Variants in NADSYN1 observed in about 807,000 individuals in gnomAD.
NADSYN1 encodes NAD synthetase 1.
In NADSYN1, 80 loss-of-function variants were observed where a neutral mutation model predicts 99.3. The observed-to-expected ratio is 0.81, with a 90% CI of 0.67 to 0.97. The LOEUF (loss-of-function observed/expected upper bound fraction) is 0.97. Ranked by LOEUF, NADSYN1 falls within the 50% of genes least tolerant of loss-of-function variation. The pLI is 0.00. For missense variants in NADSYN1, 859 were observed against 948.5 expected (o/e 0.91, Z 1.24); for synonymous variants, 385 against 372.1 (o/e 1.03, Z -0.40).
Position 71,501,219 on chromosome 11 carries a change from C to T in NADSYN1, c.2071-83C>T, listed in dbSNP as rs12295554. Reference sequence around the variant, plus strand: ...ACTTTTTCACCTCTGGGACTTGTGACCCGCTTTTGGTGCGTGCCAGTGTTT... The same window carrying T: ...ACTTTTTCACCTCTGGGACTTGTGATCCGCTTTTGGTGCGTGCCAGTGTTT... On this transcript the variant is annotated intron_variant, in intron 20 of 20. Transcript: ENST00000319023. 7.1e-3 allele frequency: 9,270 copies of T among 1,299,330 alleles called. 568 individuals are homozygous for T. The African/African-American group carries it at 0.13, about 18-fold the overall frequency. The allele number at this position is 1,299,330 out of a possible 1,614,324, so 80.5% of individuals were successfully genotyped here. A position where few individuals can be genotyped will look rare whatever the true frequency, so the allele number is the denominator to read the frequency against.
chr11:71,489,186 C>T (rs897906351), intron 16 of NADSYN1, among the ~76,000 whole-genome samples: 1 of 151,872 alleles, frequency 6.6e-6, no homozygotes, highest in Non-Finnish European at 1.5e-5. Context: ...TGGAAGTGAC[C>T]AGCCTGGGGG....
At chr11:71,454,581 C>T (rs1277908927) in intron 1 of NADSYN1, among the ~76,000 whole-genome samples, 1 of 97,338 alleles carries the variant, frequency 1.0e-5, no homozygotes, top group African/African-American at 2.9e-5. Context: ...TCTAGTTGAA[C>T]TGAAGAAGGC....
chr11:71,453,406 C>T (rs778660706), intron 1 of NADSYN1, 25 bp downstream of exon 1: 7 of 1,600,876 alleles, frequency 4.4e-6, no homozygotes, highest in Non-Finnish European at 6.0e-6. Context: ...GCGGGGGCAC[C>T]GGTTTGGGGT....
chr11:71,489,828 C>A (rs1446702069), intron 16 of NADSYN1, among the ~76,000 whole-genome samples: 1 of 152,154 alleles, frequency 6.6e-6, no homozygotes, highest in Non-Finnish European at 1.5e-5. Context: ...AGGCAGGGGC[C>A]AGCCTGGAAG....
intron 1 of NADSYN1, among the ~76,000 whole-genome samples, chr11:71,453,640 C>T (rs1949495055): frequency 1.3e-5 from 2 of 152,258 alleles, no homozygotes; most frequent in East Asian, 1.9e-4. Context: ...AGGCGGGAGG[C>T]CTGGGGATGG....
At chr11:71,478,742 G>T (rs1949686054) in intron 10 of NADSYN1, 1 of 411,588 alleles carries the variant, frequency 2.4e-6, no homozygotes, top group Non-Finnish European at 4.6e-6. Flanking sequence ...GCGTGCTAGG[G>T]GCTGCCACAC....
intron 14 of NADSYN1, 111 bp from the exon 15 acceptor site, chr11:71,484,201 T>C: frequency 4.1e-6 from 6 of 1,463,580 alleles, no homozygotes; most frequent in South Asian, 3.9e-5. Flanking sequence ...ATCATACGCT[T>C]TAAATGGGTT....
At chr11:71,486,796 CTTTTTTTTTTTT>C (rs57662255) in intron 16 of NADSYN1, among the ~76,000 whole-genome samples, 68 of 61,002 alleles carry the variant, frequency 1.1e-3, no homozygotes, top group African/African-American at 5.0e-3. Context: ...GCGTGAGTGT[CTTTTTTTTTTTT>C]TTTTTTTTTT....
In NADSYN1 at chr11:71,474,453, A is replaced by G. The variant is rs761214817; in HGVS notation, c.725A>G (p.Tyr242Cys). 2.5e-6 allele frequency: 4 copies of G among 1,614,104 alleles called. No individual in the cohort carries two copies. Among genetic ancestry groups the G allele is most frequent in the Admixed American group, 1.7e-5 (1 of 60,016 alleles). ...QKGCDGDRLY[Y>C]DGCAMIAMNG... ...GGTTGTGACGGGGACCGCCTGTACT[A>G]CGACGGCTGTGCCATGATTGCCATG... Residue 242 changes from tyrosine to cysteine, a missense_variant, in exon 9 of 21, where the codon TAC (tyrosine) becomes TGC (cysteine). Physicochemically the swap from Tyr to Cys is radical, Grantham distance 194. Coordinates refer to ENST00000319023, the MANE Select transcript of NADSYN1 (RefSeq NM_018161.5).
At chr11:71,455,034 A>C in intron 1 of NADSYN1, 76 bp from the exon 2 acceptor site, 1 of 1,079,954 alleles carries the variant, frequency 9.3e-7, no homozygotes, top group Non-Finnish European at 1.4e-6. Context: ...TACCTACTGC[A>C]GCAGGTTGTT....
chr11:71,483,990 A>G (rs181435214), intron 14 of NADSYN1, among the ~76,000 whole-genome samples: 27 of 152,260 alleles, frequency 1.8e-4, no homozygotes, highest in African/African-American at 6.0e-4. Flanking sequence ...TTTCCACGCA[A>G]TGTCCAGAAC....
rs150462790 is a variant in NADSYN1 at position 71,477,586 on chromosome 11, GAT to G, written c.799-806_799-805del. 5.0e-3 allele frequency: 2,845 copies of G among 567,540 alleles called. 75 individuals are homozygous for G. The African/African-American group carries it at 0.052, about 10-fold the overall frequency. The allele number at this position is 567,540 out of a possible 1,614,324, so 35.2% of individuals were successfully genotyped here. A position where few individuals can be genotyped will look rare whatever the true frequency, so the allele number is the denominator to read the frequency against. On this transcript the variant is annotated intron_variant, in intron 9 of 20. Transcript: ENST00000319023. ...ACACTCAGGAACACAATTTGATAAA[GAT>G]ATTTTTTCATGAAGGAATAACCCCT...
intron 10 of NADSYN1, chr11:71,478,766 G>A (rs1357323406): frequency 8.4e-6 from 3 of 358,690 alleles, no homozygotes; most frequent in Middle Eastern, 8.6e-4. Context: ...GAAGACCCAA[G>A]CAGCCTTGGA....
chr11:71,465,680 GCCCCGGTTGAGAAATTCTACTCTC>G (rs1306885811), intron 5 of NADSYN1, among the ~76,000 whole-genome samples: 1 of 152,144 alleles, frequency 6.6e-6, no homozygotes, highest in Admixed American at 6.5e-5. Context: ...GGGGTAAAAT[GCCCCGGTTGAGAAATTCTACTCTC>G]CATTTTTATT....
In NADSYN1 at chr11:71,458,770, A is replaced by G. The variant is rs1408059851; in HGVS notation, c.263+226A>G. ...GAAAGCAGGATGTGTCAGTTCTTCC[A>G]GAAAGTCCTGTGCACACATCAGCAG... On this transcript the variant is annotated intron_variant, in intron 3 of 20. Coordinates refer to ENST00000319023, the MANE Select transcript of NADSYN1 (RefSeq NM_018161.5). 9 of 517,450 alleles carry G rather than the reference A, an allele frequency of 1.7e-5. No homozygotes were observed. In the East Asian group the frequency reaches 2.0e-4, roughly 11 times the overall value. The allele number at this position is 517,450 out of a possible 1,614,324, so 32.1% of individuals were successfully genotyped here. A position where few individuals can be genotyped will look rare whatever the true frequency, so the allele number is the denominator to read the frequency against.
At chr11:71,478,336 A>G (rs891621017) in intron 9 of NADSYN1, 59 bp from the exon 10 acceptor site, 9 of 1,415,308 alleles carry the variant, frequency 6.4e-6, no homozygotes, top group Non-Finnish European at 6.9e-6. Flanking sequence ...TGGCCAAATT[A>G]CACGTGGGAG....
At chr11:71,455,197 G>A in intron 2 of NADSYN1, 27 bp downstream of exon 2, 6 of 1,596,120 alleles carry the variant, frequency 3.8e-6, no homozygotes, top group Non-Finnish European at 5.2e-6. Flanking sequence ...ACACCCTGGG[G>A]TCGTCAGCTA....
At chr11:71,462,551 C>T (rs886251100) in intron 3 of NADSYN1, among the ~76,000 whole-genome samples, 10 of 152,094 alleles carry the variant, frequency 6.6e-5, no homozygotes, top group East Asian at 1.9e-4. Flanking sequence ...ACCGCAGGCA[C>T]GTGTAGTTAG....
rs1329491809 is a variant in NADSYN1 at position 71,453,358 on chromosome 11, G to A, written c.62G>A (p.Gly21Asp). 6.2e-7 allele frequency: 1 copy of A among 1,613,806 alleles called. No homozygotes were observed. Among genetic ancestry groups the A allele is most frequent in the Non-Finnish European group, 8.5e-7 (1 of 1,179,798 alleles). The change falls in exon 1 of 21, where the codon GGC becomes GAC. Residue 21 changes from glycine (G) to aspartate (D), a missense_variant. By Grantham distance (94) the Gly-to-Asp change is moderately conservative. Transcript: ENST00000319023. Reference sequence around the variant, plus strand: ...AACCAGTGGGCCCTGGACTTCGAGGGCAATTTGCAAAGAATTTTAAAGAGT... The same window carrying A: ...AACCAGTGGGCCCTGGACTTCGAGGACAATTTGCAAAGAATTTTAAAGAGT... ...ALNQWALDFE[G>D]NLQRILKSIE...
Sources: allele counts gnomAD v4.1 joint callset (sites outside exome capture counted in the v4.1 genomes callset), GRCh38; gene constraint gnomAD v4.1.1; transcripts MANE v1.5; gene names NCBI Gene and HGNC (gene_info 2026-07-23, HGNC 2026-07-21).